Variants in ASTN2 observed in about 807,000 individuals in gnomAD.
ASTN2 encodes the protein astrotactin 2.
A neutral mutation model predicts 139.8 loss-of-function variants in ASTN2; 54 were observed. The ratio of observed to expected loss-of-function variants is 0.39; its 90% CI spans 0.31 to 0.48. The LOEUF (loss-of-function observed/expected upper bound fraction) is 0.48, where lower values mean the gene tolerates loss of function less well. ASTN2 is among the 20% of genes least tolerant of loss of function. ASTN2 has a pLI of 0.95. For missense variants in ASTN2, 1,565 were observed against 1,725.1 expected, an observed-to-expected ratio of 0.91 and a Z score of 1.64; for synonymous variants, 756 against 719.5, an observed-to-expected ratio of 1.05 and a Z score of -0.81.
intron 3 of ASTN2, among the ~76,000 whole-genome samples, chr9:117,177,042 A>C (rs895566923): frequency 1.3e-4 from 20 of 152,240 alleles, no homozygotes; most frequent in African/African-American, 4.8e-4. Flanking sequence ...TATAGTATTC[A>C]GATGTCTAAA....
At chr9:117,241,500 G>T (rs139747189) in intron 2 of ASTN2, among the ~76,000 whole-genome samples, 1 of 152,118 alleles carries the variant, frequency 6.6e-6, no homozygotes, top group Non-Finnish European at 1.5e-5. Context: ...CTGTGGTTAC[G>T]GAATAAAACT....
chr9:117,164,675 C>T (rs572530080), intron 3 of ASTN2, among the ~76,000 whole-genome samples: 1 of 152,146 alleles, frequency 6.6e-6, no homozygotes, highest in East Asian at 1.9e-4. Flanking sequence ...GAAGGTTCCT[C>T]AGGGCATAAA....
intron 7 of ASTN2, among the ~76,000 whole-genome samples, chr9:116,979,750 G>C (rs1318808877): frequency 6.6e-6 from 1 of 152,090 alleles, no homozygotes; most frequent in Admixed American, 6.5e-5. Context: ...TGGATGAGGA[G>C]GGGCCAACAA....
intron 2 of ASTN2, among the ~76,000 whole-genome samples, chr9:117,250,068 C>A (rs748285345): frequency 3.9e-5 from 6 of 152,230 alleles, no homozygotes; most frequent in Non-Finnish European, 7.3e-5. Flanking sequence ...CCCACTGCCC[C>A]CGCAGGGACT....
intron 3 of ASTN2, among the ~76,000 whole-genome samples, chr9:117,176,410 T>A (rs555303899): frequency 6.6e-6 from 1 of 152,326 alleles, no homozygotes; most frequent in African/African-American, 2.4e-5. Flanking sequence ...CTATGTGTAA[T>A]TTAACATTTT....
At chr9:117,064,775 A>G (rs1236589616) in intron 5 of ASTN2, among the ~76,000 whole-genome samples, 1 of 150,894 alleles carries the variant, frequency 6.6e-6, no homozygotes. Flanking sequence ...AAAACTGTAC[A>G]TGTAACCCCT....
At chr9:117,380,928 C>G (rs191592604) in intron 1 of ASTN2, among the ~76,000 whole-genome samples, 106 of 152,258 alleles carry the variant, frequency 7.0e-4, no homozygotes, top group Non-Finnish European at 9.6e-4. Flanking sequence ...AAATAAAAAC[C>G]TATGTCCATG....
At chr9:117,409,352 C>T (rs1831096943) in intron 1 of ASTN2, among the ~76,000 whole-genome samples, 2 of 152,164 alleles carry the variant, frequency 1.3e-5, no homozygotes, top group Admixed American at 1.3e-4. Context: ...TGAGTAAGCA[C>T]TCATTGTCCA....
chr9:117,271,013 A>T lies in ASTN2; in HGVS notation c.630+20313T>A, dbSNP rs574386722. Among the ~76,000 whole-genome samples, 80 of 152,338 alleles carry T rather than the reference A, an allele frequency of 5.3e-4. No homozygotes were observed. The Middle Eastern group carries it at 0.01, about 19-fold the overall frequency. ...TTCAAATGGACACTCACGGCATTTT[A>T]TCAGGAAGATGAGAAAATGTTATTT... is the stretch of plus-strand genomic sequence containing the variant. On this transcript the variant is annotated intron_variant, in intron 2 of 22. Transcript: ENST00000313400.
At chr9:117,251,899 G>C (rs2133092204) in intron 2 of ASTN2, among the ~76,000 whole-genome samples, 1 of 152,282 alleles carries the variant, frequency 6.6e-6, no homozygotes, top group South Asian at 2.1e-4. Context: ...TATCAGCACA[G>C]GAATTGGGAG....
intron 2 of ASTN2, among the ~76,000 whole-genome samples, chr9:117,234,755 G>C (rs1429163042): frequency 6.6e-6 from 1 of 151,998 alleles, no homozygotes; most frequent in African/African-American, 2.4e-5. Context: ...GAGAGGATGA[G>C]AGCCTTTTCT....
chr9:116,774,506 C>CT (rs776901022), intron 13 of ASTN2, among the ~76,000 whole-genome samples: 1 of 152,000 alleles, frequency 6.6e-6, no homozygotes, highest in Admixed American at 6.6e-5. Flanking sequence ...ATGCTAGGAG[C>CT]TTTTTTTGCA....
At chr9:116,552,719 C>T (rs1248853446) in intron 19 of ASTN2, among the ~76,000 whole-genome samples, 1 of 152,158 alleles carries the variant, frequency 6.6e-6, no homozygotes, top group Non-Finnish European at 1.5e-5. Flanking sequence ...GGTAAAAAGC[C>T]CAACTCAGGA....
chr9:116,501,826 C>T (rs568190586), intron 19 of ASTN2, among the ~76,000 whole-genome samples: 39 of 151,560 alleles, frequency 2.6e-4, no homozygotes, highest in African/African-American at 8.0e-4. Context: ...ACATTGTGCA[C>T]GCGTACCCTA....
intron 2 of ASTN2, among the ~76,000 whole-genome samples, chr9:117,256,141 C>G (rs766447819): frequency 2.0e-5 from 3 of 152,086 alleles, no homozygotes; most frequent in Non-Finnish European, 4.4e-5. Context: ...TTTGATGATG[C>G]GGAATGGGGA....
At chr9:117,243,537 C>T (rs1357103302) in intron 2 of ASTN2, among the ~76,000 whole-genome samples, 3 of 152,074 alleles carry the variant, frequency 2.0e-5, no homozygotes, top group Admixed American at 6.5e-5. Context: ...CACTATGTAC[C>T]GGAAGCCCTG....
At chr9:116,956,828 G>A (rs540525226) in intron 10 of ASTN2, among the ~76,000 whole-genome samples, 1 of 152,226 alleles carries the variant, frequency 6.6e-6, no homozygotes, top group South Asian at 2.1e-4. Context: ...TTCATTTACT[G>A]TAGCACCAAA....
At chr9:116,458,053 T>C (rs945569776) in intron 20 of ASTN2, among the ~76,000 whole-genome samples, 6 of 151,516 alleles carry the variant, frequency 4.0e-5, no homozygotes, top group Non-Finnish European at 8.8e-5. Context: ...AGAAACAACA[T>C]GGATGGAACT....
chr9:116,562,849 C>G (rs73524165), intron 19 of ASTN2, among the ~76,000 whole-genome samples: 1 of 151,160 alleles, frequency 6.6e-6, no homozygotes, highest in African/African-American at 2.4e-5. Flanking sequence ...AGGGAAGGTT[C>G]GGAAAGCTCA....
Sources: gnomAD v4.1 joint callset for allele counts (sites outside exome capture counted in the v4.1 genomes callset) on GRCh38, gnomAD v4.1.1 for gene constraint, MANE v1.5 for transcripts, NCBI Gene and HGNC (gene_info 2026-07-23, HGNC 2026-07-21) for gene names.